The following SDCCAG8 variants were observed in gnomAD, a reference collection of about 807,000 sequenced individuals.
SDCCAG8 encodes serologically defined colon cancer antigen 8.
A neutral mutation model predicts 101.8 loss-of-function variants in SDCCAG8; 74 were observed. The ratio of observed to expected loss-of-function variants is 0.73; its 90% CI spans 0.60 to 0.88. SDCCAG8 has a LOEUF of 0.88. SDCCAG8 is among the 40% of genes least tolerant of loss of function. The probability of loss-of-function intolerance (pLI) is 0.00; values close to 1 mark genes in which losing one functional copy is unlikely to be tolerated. For synonymous variants in SDCCAG8, 281 were observed against 292.9 expected (o/e 0.96, Z 0.41); for missense variants, 787 against 822.6 (o/e 0.96, Z 0.53).
intron 13 of SDCCAG8, among the ~76,000 whole-genome samples, chr1:243,381,858 T>C (rs1472449910): frequency 6.6e-6 from 1 of 151,990 alleles, no homozygotes; most frequent in Non-Finnish European, 1.5e-5. Context: ...CAGGAGCACA[T>C]AGGGAGGGGG....
intron 6 of SDCCAG8, among the ~76,000 whole-genome samples, chr1:243,297,065 C>T (rs1049255896): frequency 3.3e-5 from 5 of 152,204 alleles, no homozygotes; most frequent in African/African-American, 1.2e-4. Flanking sequence ...TATGCTTCCT[C>T]CTAGTTACTG....
chr1:243,316,927 T>G (rs1558284239), intron 9 of SDCCAG8, 34 bp downstream of exon 9: 1 of 1,603,276 alleles, frequency 6.2e-7, no homozygotes, highest in Non-Finnish European at 8.5e-7. Context: ...AAAGTGTCTT[T>G]CTTTTTTTTT....
intron 16 of SDCCAG8, among the ~76,000 whole-genome samples, chr1:243,431,297 A>G (rs2081747558): frequency 6.6e-6 from 1 of 152,230 alleles, no homozygotes; most frequent in African/African-American, 2.4e-5. Flanking sequence ...AGAAATAAAC[A>G]CTGGCGAAAT....
At chr1:243,447,545 T>A (rs1440755928) in intron 16 of SDCCAG8, among the ~76,000 whole-genome samples, 5 of 152,128 alleles carry the variant, frequency 3.3e-5, no homozygotes, top group South Asian at 2.1e-4. Flanking sequence ...CATAACTGCC[T>A]GTTTACTCCT....
intron 6 of SDCCAG8, among the ~76,000 whole-genome samples, chr1:243,296,802 G>T (rs2070968996): frequency 1.3e-5 from 2 of 151,506 alleles, no homozygotes; most frequent in South Asian, 4.2e-4. Flanking sequence ...CAAAGTGCTG[G>T]GATTACAGGC....
At chr1:243,261,425 A>G (rs891924161) in intron 1 of SDCCAG8, among the ~76,000 whole-genome samples, 1 of 152,248 alleles carries the variant, frequency 6.6e-6, no homozygotes, top group African/African-American at 2.4e-5. Flanking sequence ...TGAGAAGAAA[A>G]TATATAATCT....
intron 6 of SDCCAG8, among the ~76,000 whole-genome samples, chr1:243,298,930 C>A (rs542738478): frequency 9.9e-4 from 151 of 152,302 alleles, no homozygotes; most frequent in Non-Finnish European, 1.7e-3. Flanking sequence ...AAATACAGTT[C>A]AGAATTGTGA....
intron 4 of SDCCAG8, among the ~76,000 whole-genome samples, chr1:243,276,580 T>A (rs1012869805): frequency 1.3e-5 from 2 of 152,196 alleles, no homozygotes; most frequent in African/African-American, 2.4e-5. Flanking sequence ...ATAGTTTCCC[T>A]TGTTATTAAC....
chr1:243,389,153 C>G (rs1435180199), intron 13 of SDCCAG8, among the ~76,000 whole-genome samples: 1 of 149,506 alleles, frequency 6.7e-6, no homozygotes, highest in Non-Finnish European at 1.5e-5. Flanking sequence ...TCCCCCCTCC[C>G]CCCCCCAAAA....
intron 13 of SDCCAG8, 88 bp downstream of exon 13, chr1:243,378,951 C>G: frequency 1.3e-6 from 2 of 1,539,440 alleles, no homozygotes; most frequent in Admixed American, 1.7e-5. Flanking sequence ...TAGAGTTAGT[C>G]TTAGTCATTC....
intron 15 of SDCCAG8, among the ~76,000 whole-genome samples, chr1:243,419,572 G>A (rs2080846165): frequency 6.6e-6 from 1 of 152,156 alleles, no homozygotes; most frequent in Admixed American, 6.5e-5. Flanking sequence ...AAGGTGCTTG[G>A]TATGTTATTT....
intron 16 of SDCCAG8, among the ~76,000 whole-genome samples, chr1:243,446,392 G>A (rs780273384): frequency 2.6e-5 from 4 of 151,884 alleles, no homozygotes; most frequent in East Asian, 1.9e-4. Flanking sequence ...TCAGCCTCCC[G>A]AGTAGCTGGG....
At chr1:243,480,425 G>A in intron 16 of SDCCAG8, among the ~76,000 whole-genome samples, 1 of 61,250 alleles carries the variant, frequency 1.6e-5, no homozygotes, top group African/African-American at 6.9e-5. Context: ...GGGATGGGTG[G>A]ATGGGTGGAT....
At chr1:243,378,673 A>G (rs745494470) in intron 12 of SDCCAG8, 48 bp from the exon 13 acceptor site, 1 of 1,589,904 alleles carries the variant, frequency 6.3e-7, no homozygotes, top group East Asian at 2.2e-5. Context: ...TTTGAATTCA[A>G]GTGCATGTAT....
intron 13 of SDCCAG8, among the ~76,000 whole-genome samples, chr1:243,407,417 G>A (rs976257207): frequency 6.6e-6 from 1 of 152,176 alleles, no homozygotes; most frequent in Non-Finnish European, 1.5e-5. Context: ...AGAGGTCGGT[G>A]CATTTGAATG....
At chr1:243,483,263 C>G (rs1438536982) in intron 16 of SDCCAG8, among the ~76,000 whole-genome samples, 2 of 152,156 alleles carry the variant, frequency 1.3e-5, no homozygotes, top group South Asian at 4.1e-4. Flanking sequence ...GGCGGCGTGT[C>G]CCTGCCTCCC....
intron 16 of SDCCAG8, among the ~76,000 whole-genome samples, chr1:243,486,356 C>T (rs1173792231): frequency 6.6e-6 from 1 of 152,152 alleles, no homozygotes; most frequent in Admixed American, 6.5e-5. Flanking sequence ...TCTCACTTCT[C>T]ACAGCAGGGG....
At chr1:243,268,110 G>T in intron 1 of SDCCAG8, 1 of 692,380 alleles carries the variant, frequency 1.4e-6, no homozygotes, top group Non-Finnish European at 2.6e-6. Flanking sequence ...ATTTTCTTTT[G>T]CTTCCTCATG....
At chr1:243,464,870 A>G (rs1659828304) in intron 16 of SDCCAG8, among the ~76,000 whole-genome samples, 1 of 152,252 alleles carries the variant, frequency 6.6e-6, no homozygotes, top group African/African-American at 2.4e-5. Context: ...AAGCTCCAGT[A>G]CATGTCACAG....
Sources: gnomAD v4.1 joint callset for allele counts (sites outside exome capture counted in the v4.1 genomes callset) on GRCh38, gnomAD v4.1.1 for gene constraint, MANE v1.5 for transcripts, NCBI Gene and HGNC (gene_info 2026-07-23, HGNC 2026-07-21) for gene names.